Variants in SCFD2 observed in about 807,000 individuals in gnomAD.
SCFD2 encodes the protein sec1 family domain containing 2.
Under a neutral mutation model 58.9 loss-of-function variants are expected in SCFD2, and 54 were observed. The ratio of observed to expected loss-of-function variants is 0.92; its 90% CI spans 0.74 to 1.15. The LOEUF (loss-of-function observed/expected upper bound fraction) is 1.15, where lower values mean the gene tolerates loss of function less well. Among genes scored for constraint, SCFD2 ranks in the 50% most tolerant of loss-of-function variants. SCFD2 has a pLI of 0.00. For missense variants in SCFD2, 805 were observed against 836.6 expected (o/e 0.96, Z 0.47); for synonymous variants, 321 against 335.9 (o/e 0.96, Z 0.49).
At chr4:53,272,898 G>T (rs1231904659) in intron 4 of SCFD2, among the ~76,000 whole-genome samples, 2 of 151,718 alleles carry the variant, frequency 1.3e-5, no homozygotes, top group Admixed American at 6.6e-5. Context: ...AGCTATTTAG[G>T]GATATTTATA....
At chr4:53,124,757 A>G (rs1274029170) in intron 5 of SCFD2, among the ~76,000 whole-genome samples, 3 of 152,208 alleles carry the variant, frequency 2.0e-5, no homozygotes, top group African/African-American at 7.2e-5. Flanking sequence ...CAGAAGAGAA[A>G]AGTGAAGAGC....
chr4:53,318,243 T>C (rs1383045260), intron 2 of SCFD2, among the ~76,000 whole-genome samples: 1 of 152,220 alleles, frequency 6.6e-6, no homozygotes, highest in Non-Finnish European at 1.5e-5. Flanking sequence ...TTAGTGTTTT[T>C]CTTACAAAGA....
chr4:53,295,020 C>T (rs956456851), intron 3 of SCFD2, among the ~76,000 whole-genome samples: 3 of 152,144 alleles, frequency 2.0e-5, no homozygotes, highest in Non-Finnish European at 2.9e-5. Context: ...GTACCAGTAC[C>T]GTGCTGTTTT....
chr4:53,139,903 TG>T, intron 5 of SCFD2, among the ~76,000 whole-genome samples: 1 of 152,320 alleles, frequency 6.6e-6, no homozygotes, highest in South Asian at 2.1e-4. Context: ...TCTATAACCT[TG>T]CCCCCAACCC....
At chr4:52,896,442 G>T (rs1489308107) in intron 7 of SCFD2, among the ~76,000 whole-genome samples, 1 of 152,102 alleles carries the variant, frequency 6.6e-6, no homozygotes, top group African/African-American at 2.4e-5. Flanking sequence ...GCTTGTTTTT[G>T]TCAGGTTTGT....
In SCFD2 at chr4:53,065,078, T is replaced by C. The variant is rs191717464; in HGVS notation, c.1561+80255A>G. 1.7e-3 allele frequency among the ~76,000 whole-genome samples: 262 copies of C among 151,998 alleles called. 5 individuals carry two copies. The highest frequency in any genetic ancestry group is 0.017 in the Admixed American group (258 of 15,228). On this transcript the variant is annotated intron_variant, in intron 5 of 8. Transcript: ENST00000401642. ...AGGCAAAAAAATTTAATCAGAAAAA[T>C]ATAGAAAGTAGACAGGAAAGAACTC...
At chr4:53,061,914 C>A (rs1008836600) in intron 5 of SCFD2, among the ~76,000 whole-genome samples, 2 of 151,990 alleles carry the variant, frequency 1.3e-5, no homozygotes, top group African/African-American at 4.8e-5. Flanking sequence ...TGATTTTTCC[C>A]AAGTCCACGA....
chr4:53,140,076 G>A (rs1015328768), intron 5 of SCFD2, among the ~76,000 whole-genome samples: 1 of 151,530 alleles, frequency 6.6e-6, no homozygotes, highest in African/African-American at 2.4e-5. Flanking sequence ...TGCGGAAGGC[G>A]GCAGGGCCCT....
At chr4:53,042,978 G>A (rs1442757643) in intron 5 of SCFD2, among the ~76,000 whole-genome samples, 2 of 152,044 alleles carry the variant, frequency 1.3e-5, no homozygotes, top group African/African-American at 2.4e-5. Flanking sequence ...CAGAAAGCAC[G>A]TGAAACTTTA....
At chr4:53,021,243 T>A (rs1192936386) in intron 5 of SCFD2, among the ~76,000 whole-genome samples, 2 of 152,196 alleles carry the variant, frequency 1.3e-5, no homozygotes, top group Non-Finnish European at 2.9e-5. Flanking sequence ...ACATGTCCTG[T>A]GAGTTTCAAC....
intron 4 of SCFD2, among the ~76,000 whole-genome samples, chr4:53,215,245 A>G (rs1400458791): frequency 2.6e-5 from 4 of 152,030 alleles, no homozygotes; most frequent in African/African-American, 4.8e-5. Flanking sequence ...ACCTTGGGCA[A>G]TATGGCCATT....
rs1050473841 is a variant in SCFD2, at chr4:53,313,560, C to T, written c.1135+76G>A. Reference sequence around the variant, plus strand: ...TACTTTGGCCTAGATTCCATGTTGGCTAGCTTGGCCCACAATTCAGAACAG... The same window carrying T: ...TACTTTGGCCTAGATTCCATGTTGGTTAGCTTGGCCCACAATTCAGAACAG... On this transcript the variant is annotated intron_variant, in intron 3 of 8. Coordinates refer to ENST00000401642, the MANE Select transcript of SCFD2 (RefSeq NM_152540.4). The T allele has an allele frequency of 4.3e-5, 67 of 1,572,110 alleles. 1 individual carries two copies. The Middle Eastern group carries it at 1.2e-3, about 28-fold the overall frequency.
chr4:53,041,452 C>T (rs1722898007), intron 5 of SCFD2, among the ~76,000 whole-genome samples: 1 of 152,194 alleles, frequency 6.6e-6, no homozygotes, highest in Admixed American at 6.5e-5. Context: ...ATCAACATTA[C>T]ATTTACCTGT....
At chr4:53,252,330 G>A (rs377659636) in intron 4 of SCFD2, among the ~76,000 whole-genome samples, 10 of 150,220 alleles carry the variant, frequency 6.7e-5, no homozygotes, top group African/African-American at 9.8e-5. Context: ...TACAGATTCA[G>A]TGCCATCCCC....
At chr4:53,270,531 A>G (rs1211628503) in intron 4 of SCFD2, among the ~76,000 whole-genome samples, 1 of 152,242 alleles carries the variant, frequency 6.6e-6, no homozygotes, top group East Asian at 1.9e-4. Flanking sequence ...GACACTTGGT[A>G]TCAAGTGTGG....
chr4:53,042,014 T>C (rs1029541231), intron 5 of SCFD2, among the ~76,000 whole-genome samples: 1 of 152,150 alleles, frequency 6.6e-6, no homozygotes, highest in East Asian at 1.9e-4. Flanking sequence ...ATCTCAAATA[T>C]ACCTAAGAGC....
intron 4 of SCFD2, among the ~76,000 whole-genome samples, chr4:53,185,347 C>T (rs1305023688): frequency 6.6e-6 from 1 of 152,014 alleles, no homozygotes; most frequent in Non-Finnish European, 1.5e-5. Flanking sequence ...GAATAGGAAA[C>T]TAACATTTTA....
chr4:53,275,941 G>A (rs1731313013), intron 3 of SCFD2, among the ~76,000 whole-genome samples: 1 of 151,938 alleles, frequency 6.6e-6, no homozygotes, highest in Admixed American at 6.6e-5. Context: ...CTATTCACTA[G>A]TTAATGAGTA....
intron 4 of SCFD2, among the ~76,000 whole-genome samples, chr4:53,250,856 C>G (rs1388870601): frequency 6.6e-6 from 1 of 152,240 alleles, no homozygotes; most frequent in East Asian, 1.9e-4. Flanking sequence ...AGAGCAAACA[C>G]ATTCAAAAGC....
Sources: gnomAD v4.1 joint callset for allele counts (sites outside exome capture counted in the v4.1 genomes callset) on GRCh38, gnomAD v4.1.1 for gene constraint, MANE v1.5 for transcripts, NCBI Gene and HGNC (gene_info 2026-07-23, HGNC 2026-07-21) for gene names.